The following GSG1L variants were observed in gnomAD, a reference collection of about 807,000 sequenced individuals.
The protein encoded by GSG1L is germ cell-specific gene 1-like protein.
Under a neutral mutation model 42.1 loss-of-function variants are expected in GSG1L, and 24 were observed. The observed-to-expected ratio is 0.57, with a 90% CI of 0.41 to 0.80. The LOEUF is 0.80. Among genes scored for constraint, GSG1L ranks in the 30% least tolerant of loss-of-function variants. GSG1L has a pLI of 0.00. For missense variants in GSG1L, 445 were observed against 472.2 expected (o/e 0.94, Z 0.53); for synonymous variants, 215 against 203.5 (o/e 1.06, Z -0.48).
chr16:27,977,951 C>A (rs2085270123), intron 1 of GSG1L, among the ~76,000 whole-genome samples: 1 of 152,198 alleles, frequency 6.6e-6, no homozygotes, highest in Non-Finnish European at 1.5e-5. Flanking sequence ...GAGAATCAAA[C>A]AGAAAATTCA....
At position 27,821,646 on chromosome 16, in the gene GSG1L, A is replaced by T. The variant is rs186316872; in HGVS notation, c.830+7143T>A. Among the ~76,000 whole-genome samples, 1,352 of 152,210 alleles carry T rather than the reference A, an allele frequency of 8.9e-3. 23 individuals are homozygous for T. The highest frequency in any genetic ancestry group is 0.031 in the African/African-American group (1,269 of 41,534). On this transcript the variant is annotated intron_variant, in intron 5 of 6. Coordinates refer to ENST00000447459, the MANE Select transcript of GSG1L (RefSeq NM_001109763.2). ...CCGGGCGCGGTGGCTCACACCTGTAATCCCAGCACTTTGGGAGGCAGAGGA... is the reference window on the plus strand; with the variant it reads ...CCGGGCGCGGTGGCTCACACCTGTATTCCCAGCACTTTGGGAGGCAGAGGA...
At chr16:27,993,479 A>G (rs116371914) in intron 1 of GSG1L, among the ~76,000 whole-genome samples, 1,986 of 152,206 alleles carry the variant, frequency 0.013, 41 homozygotes, top group African/African-American at 0.046. Context: ...TGTAACTTGT[A>G]GGAAGGATTT....
chr16:27,906,864 C>T (rs2084326269), intron 2 of GSG1L, among the ~76,000 whole-genome samples: 1 of 152,144 alleles, frequency 6.6e-6, no homozygotes, highest in Admixed American at 6.5e-5. Context: ...GACATGACTC[C>T]CGAGACCCCG....
At chr16:27,929,319 A>G (rs74015164) in intron 2 of GSG1L, among the ~76,000 whole-genome samples, 3,358 of 152,278 alleles carry the variant, frequency 0.022, 125 homozygotes, top group African/African-American at 0.077. Flanking sequence ...TCTTGCTCCT[A>G]GACCCGGGGA....
chr16:27,936,543 C>A (rs773478906), intron 2 of GSG1L, among the ~76,000 whole-genome samples: 3 of 152,176 alleles, frequency 2.0e-5, no homozygotes, highest in Non-Finnish European at 2.9e-5. Context: ...CAGCCTGAGG[C>A]CCTCACCAGA....
chr16:27,887,811 T>C (rs141079645), intron 2 of GSG1L, among the ~76,000 whole-genome samples: 2 of 152,300 alleles, frequency 1.3e-5, no homozygotes, highest in East Asian at 3.9e-4. Context: ...TTCTTTTTTT[T>C]TCTCCTCCCT....
intron 2 of GSG1L, among the ~76,000 whole-genome samples, chr16:27,893,948 G>A (rs1567508525): frequency 6.6e-6 from 1 of 152,132 alleles, no homozygotes; most frequent in Non-Finnish European, 1.5e-5. Flanking sequence ...AGACAAGGTC[G>A]CACCCTGTTG....
rs554186043 is a variant in GSG1L, at chr16:28,059,005, C to T, written c.349+4071G>A. On this transcript the variant is annotated intron_variant, in intron 1 of 6. Coordinates refer to ENST00000447459, the MANE Select transcript of GSG1L (RefSeq NM_001109763.2). This position sits in a 1 kb window ranked among gnomAD's most constrained non-coding sequence, Gnocchi z 4.4. ...TGGGGAGTGGGGGTGATGGCAGAGGCGGAGAGATGGCTGCAGAAGTCCATG... is the reference window on the plus strand; with the variant it reads ...TGGGGAGTGGGGGTGATGGCAGAGGTGGAGAGATGGCTGCAGAAGTCCATG... Among the ~76,000 whole-genome samples the T allele has an allele frequency of 7.9e-5, 12 of 152,256 alleles. No individual in the cohort carries two copies. The highest frequency in any genetic ancestry group is 1.6e-4 in the Non-Finnish European group (11 of 68,022).
At chr16:27,887,394 C>T (rs570696967) in intron 2 of GSG1L, among the ~76,000 whole-genome samples, 226 of 152,328 alleles carry the variant, frequency 1.5e-3, no homozygotes, top group African/African-American at 4.5e-3. Context: ...AGGAAGATTG[C>T]GTCCTGATGA....
chr16:27,898,914 C>T (rs2084224455), intron 2 of GSG1L, among the ~76,000 whole-genome samples: 1 of 152,160 alleles, frequency 6.6e-6, no homozygotes, highest in South Asian at 2.1e-4. Flanking sequence ...CTGCTGCTCC[C>T]TTTACCGAGG....
At chr16:27,829,746 A>G (rs183004138) in intron 4 of GSG1L, among the ~76,000 whole-genome samples, 1 of 152,220 alleles carries the variant, frequency 6.6e-6, no homozygotes, top group Non-Finnish European at 1.5e-5. Flanking sequence ...CAACAGCACT[A>G]CCTCATAGGG....
At chr16:27,849,358 C>T (rs1448248168) in intron 3 of GSG1L, among the ~76,000 whole-genome samples, 7 of 152,124 alleles carry the variant, frequency 4.6e-5, no homozygotes, top group South Asian at 2.1e-4. Context: ...AAAGGCTATC[C>T]GCCTTAAGCA....
intron 3 of GSG1L, among the ~76,000 whole-genome samples, chr16:27,879,844 ATTG>A (rs1330490767): frequency 6.7e-6 from 1 of 149,248 alleles, no homozygotes; most frequent in Admixed American, 6.7e-5. Flanking sequence ...TTATTGTTGT[ATTG>A]TTATTTTTTA....
chr16:27,806,949 C>T (rs1418373367), intron 6 of GSG1L, among the ~76,000 whole-genome samples: 2 of 152,180 alleles, frequency 1.3e-5, no homozygotes, highest in Non-Finnish European at 2.9e-5. Flanking sequence ...TTACAGCAGG[C>T]TCAGCCAAGA....
intron 3 of GSG1L, among the ~76,000 whole-genome samples, chr16:27,852,109 G>C (rs2083522028): frequency 6.6e-6 from 1 of 152,212 alleles, no homozygotes; most frequent in African/African-American, 2.4e-5. Flanking sequence ...TTATAATAGA[G>C]TTTATTACTA....
At chr16:28,041,925 G>C (rs1315623014) in intron 1 of GSG1L, among the ~76,000 whole-genome samples, 2 of 152,188 alleles carry the variant, frequency 1.3e-5, no homozygotes, top group Non-Finnish European at 2.9e-5. Context: ...TCATCCCCCT[G>C]GCTTCCATCC....
chr16:27,888,294 A>G (rs760786667), intron 2 of GSG1L: 7 of 183,634 alleles, frequency 3.8e-5, no homozygotes, highest in Non-Finnish European at 7.2e-5. Context: ...GAGATGGGCC[A>G]GAGCTTGGAG....
Position 28,063,261 on chromosome 16 carries a change from G to T in GSG1L, c.164C>A (p.Ser55Ter), listed in dbSNP as rs1446689953. 7.5e-7 allele frequency: 1 copy of T among 1,338,182 alleles called. No homozygotes were observed. Among genetic ancestry groups the T allele is most frequent in the South Asian group, 1.7e-5 (1 of 58,994 alleles). 82.9% of individuals were successfully genotyped at this position (1,338,182 alleles called of 1,614,324 possible). A position where few individuals can be genotyped will look rare whatever the true frequency, so the allele number is the denominator to read the frequency against. Residue 55 changes from serine (S) to a stop codon, truncating the protein, a stop_gained, in exon 1 of 7, where the codon TCG (serine) becomes TAG (stop). Coordinates refer to ENST00000447459, the MANE Select transcript of GSG1L (RefSeq NM_001109763.2). LOFTEE classifies it high-confidence loss of function. This position sits in a 1 kb window ranked among gnomAD's most constrained non-coding sequence, Gnocchi z 5.8. ...GQGGRANCPN[S>*]GANATANGTA... ...GCCGTTGGCCGTGGCGTTGGCGCCC[G>T]AGTTGGGGCAGTTGGCGCGCCCGCC...
intron 2 of GSG1L, among the ~76,000 whole-genome samples, chr16:27,937,005 C>T (rs2084725944): frequency 6.6e-6 from 1 of 152,152 alleles, no homozygotes; most frequent in Non-Finnish European, 1.5e-5. Context: ...CAGCTCAGTC[C>T]CTCGCGGTGG....
Sources: gnomAD v4.1 joint callset for allele counts (sites outside exome capture counted in the v4.1 genomes callset) on GRCh38, gnomAD v4.1.1 for gene constraint, Gnocchi (gnomAD v3.1) non-coding constraint, MANE v1.5 for transcripts, NCBI Gene and HGNC (gene_info 2026-07-23, HGNC 2026-07-21) for gene names.